Variants in CHD8 observed in about 807,000 individuals in gnomAD.
CHD8 encodes the protein chromodomain helicase DNA binding protein 8.
Under a neutral mutation model 279.2 loss-of-function variants are expected in CHD8, and 31 were observed. That is an observed-to-expected ratio of 0.11 (90% CI 0.08 to 0.15). The LOEUF is 0.15. Ranked by LOEUF, CHD8 falls within the 10% of genes least tolerant of loss-of-function variation. CHD8 has a pLI of 1.00. For synonymous variants in CHD8, 1,081 were observed against 1,139.6 expected (o/e 0.95, Z 1.04); for missense variants, 2,146 against 3,230.5 (o/e 0.66, Z 8.14).
chr14:21,421,043 G>A (rs1242475019), intron 5 of CHD8, among the ~76,000 whole-genome samples: 1 of 152,168 alleles, frequency 6.6e-6, no homozygotes, highest in Non-Finnish European at 1.5e-5. Context: ...TTACCGGCAT[G>A]AGCCACCGCA....
At chr14:21,392,883 T>G in intron 33 of CHD8, 74 bp from the exon 34 acceptor site, 1 of 1,438,236 alleles carries the variant, frequency 7.0e-7, no homozygotes, top group East Asian at 2.3e-5. Flanking sequence ...TACTCAATAG[T>G]GCCATCACTA....
Position 21,403,927 on chromosome 14 carries a change from C to T in CHD8, c.3308-264G>A, listed in dbSNP as rs1467523814. Among the ~76,000 whole-genome samples, 2 of 151,744 alleles carry T rather than the reference C, an allele frequency of 1.3e-5. No individual in the cohort carries two copies. The highest frequency in any genetic ancestry group is 4.8e-5 in the African/African-American group (2 of 41,246). ...CAGTCTGGCCAACATGGTGAAACCC[C>T]GTCTCTACTAACAATACAAAAATTA... On this transcript the variant is annotated intron_variant, in intron 16 of 37. Coordinates refer to ENST00000646647, the MANE Select transcript of CHD8 (RefSeq NM_001170629.2). The surrounding 1 kb of genome is among the most constrained non-coding windows in gnomAD (Gnocchi z 4.3).
At chr14:21,413,815 C>G (rs1888608406) in intron 9 of CHD8, 1 of 154,654 alleles carries the variant, frequency 6.5e-6, no homozygotes, top group South Asian at 2.0e-4. Flanking sequence ...CTACTCTTAT[C>G]AAGGATGAAC....
chr14:21,391,091 G>A lies in CHD8; in HGVS notation c.7066-28C>T, dbSNP rs768169390. On this transcript the variant is annotated intron_variant, in intron 36 of 37. Transcript: ENST00000646647. ...GCAATAGAAAAAATCAGTTATCCTAGAGGAATAGAAATCTTCTCTGGAGTA... is the reference window on the plus strand; with the variant it reads ...GCAATAGAAAAAATCAGTTATCCTAAAGGAATAGAAATCTTCTCTGGAGTA... 4.4e-6 allele frequency: 6 copies of A among 1,364,326 alleles called. No individual in the cohort carries two copies. The African/African-American group carries it at 8.6e-5, about 20-fold the overall frequency. 84.5% of individuals were successfully genotyped at this position (1,364,326 alleles called of 1,614,324 possible).
chr14:21,392,235 T>C (rs767928606), intron 34 of CHD8: 2 of 754,928 alleles, frequency 2.6e-6, no homozygotes, highest in South Asian at 1.4e-5. Flanking sequence ...CGTATTAGCA[T>C]GGCAACTCAT....
At chr14:21,442,400 G>A (rs1035270807) in intron 1 of CHD8, among the ~76,000 whole-genome samples, 5 of 152,052 alleles carry the variant, frequency 3.3e-5, no homozygotes, top group Non-Finnish European at 5.9e-5. Context: ...GGGAAGTTGA[G>A]GTTGCAGTGA....
At chr14:21,436,949 C>T (rs1889806492) in intron 1 of CHD8, 1 of 1,287,030 alleles carries the variant, frequency 7.8e-7, no homozygotes, top group African/African-American at 1.5e-5. Flanking sequence ...ACAGCAGAGG[C>T]GGAAGATTTC....
chr14:21,394,114 C>T lies in CHD8; in HGVS notation c.5681G>A (p.Arg1894Gln), dbSNP rs766765758. The T allele has an allele frequency of 7.4e-6, 12 of 1,613,428 alleles. No individual in the cohort carries two copies. Among genetic ancestry groups the T allele is most frequent in the African/African-American group, 2.7e-5 (2 of 74,892 alleles). The change falls in exon 32 of 38, where the codon CGG becomes CAG. Residue 1894 changes from arginine to glutamine, a missense_variant. By Grantham distance (43) the Arg-to-Gln change is conservative (BLOSUM62 1). Transcript: ENST00000646647. ...GCATAAAACTTGTTCCCGTAAGCGC[C>T]GAAGCAATTCTATACGGTAGAGAGT... ...SRTLYRIELLRRLREQVLCHP... is the reference protein window; with the variant it reads ...SRTLYRIELLQRLREQVLCHP...
chr14:21,413,254 C>T lies in CHD8; in HGVS notation c.2143-258G>A, dbSNP rs555958979. Among the ~76,000 whole-genome samples the T allele has an allele frequency of 9.2e-5, 14 of 152,292 alleles. No homozygotes were observed. In the East Asian group the frequency reaches 2.7e-3, roughly 29 times the overall value. ...TCCATATATGCTCTGCTGTTCATTG[C>T]TTCTTGTATTCTTAGGAATCCCTCT... On this transcript the variant is annotated intron_variant, in intron 9 of 37. Coordinates refer to ENST00000646647, the MANE Select transcript of CHD8 (RefSeq NM_001170629.2).
Position 21,409,838 on chromosome 14 carries a change from C to T in CHD8, c.2364+13G>A. The T allele has an allele frequency of 1.2e-6, 2 of 1,610,398 alleles. No individual in the cohort carries two copies. The highest frequency in any genetic ancestry group is 1.7e-6 in the Non-Finnish European group (2 of 1,178,154). On this transcript the variant is annotated intron_variant, in intron 11 of 37. Transcript: ENST00000646647. ...TTATGTAGGCCTTTATACTTTAATG[C>T]AAATGTACTTACCACCCTTTTGAGT...
intron 1 of CHD8, among the ~76,000 whole-genome samples, chr14:21,445,688 CAAAAAAA>C (rs747923350): frequency 5.5e-3 from 95 of 17,260 alleles, no homozygotes; most frequent in African/African-American, 6.6e-3. Flanking sequence ...GATTCGGTCT[CAAAAAAA>C]AAAAAAAAAA....
intron 3 of CHD8, among the ~76,000 whole-genome samples, 157 bp from the exon 4 acceptor site, chr14:21,428,411 T>C (rs1889419927): frequency 6.6e-6 from 1 of 152,244 alleles, no homozygotes; most frequent in South Asian, 2.1e-4. Flanking sequence ...CTTTTTAAAA[T>C]GTATTCTTTT....
chr14:21,434,130 C>G (rs555009606), intron 1 of CHD8, among the ~76,000 whole-genome samples: 6 of 150,668 alleles, frequency 4.0e-5, no homozygotes, highest in Non-Finnish European at 8.8e-5. Context: ...ACCGCAACCT[C>G]TACCTCCTGG....
At chr14:21,410,854 C>G (rs1407644450) in intron 10 of CHD8, among the ~76,000 whole-genome samples, 2 of 152,188 alleles carry the variant, frequency 1.3e-5, no homozygotes, top group African/African-American at 4.8e-5. Context: ...CAGCTGCTTG[C>G]TCTTTTACCT....
intron 37 of CHD8, 113 bp downstream of exon 37, chr14:21,390,834 C>T (rs1594325716): frequency 1.6e-6 from 1 of 633,536 alleles, no homozygotes; most frequent in South Asian, 2.0e-5. Flanking sequence ...TAATTCTTCA[C>T]ACAAACAAAC....
At position 21,405,618 on chromosome 14, in the gene CHD8, A is replaced by G. The variant is rs1320232458; in HGVS notation, c.3051+103T>C. On this transcript the variant is annotated intron_variant, in intron 15 of 37. Transcript: ENST00000646647. This position sits in a 1 kb window ranked among gnomAD's most constrained non-coding sequence, Gnocchi z 4.2. ...ATGATGTAGGCACAAGGTTATAAGG[A>G]GTTCAGAAAGGCCCTTGAGATACCC... is the stretch of plus-strand genomic sequence containing the variant. 1.4e-6 allele frequency: 2 copies of G among 1,466,126 alleles called. No homozygotes were observed. Among genetic ancestry groups the G allele is most frequent in the East Asian group, 2.3e-5 (1 of 44,190 alleles). 90.8% of individuals were successfully genotyped at this position (1,466,126 alleles called of 1,614,324 possible).
intron 26 of CHD8, chr14:21,398,528 A>G (rs1284998033): frequency 6.6e-6 from 1 of 152,376 alleles, no homozygotes; most frequent in Non-Finnish European, 1.5e-5. Flanking sequence ...CACCATGCCC[A>G]GCACCTGCAA....
Position 21,430,854 on chromosome 14 carries a change from C to A in CHD8, c.790G>T (p.Ala264Ser), listed in dbSNP as rs781366150. The change falls in exon 2 of 38, where the codon GCC (alanine) becomes TCC (serine). Residue 264 changes from alanine (A) to serine (S), a missense_variant. Around this residue, in one of 26 missense-constraint regions of CHD8, gnomAD observed 302 missense variants for 325.5 expected, o/e 0.93. Transcript: ENST00000646647. ...KGSAPAGNPG[A>S]TGPPLKPAVT... ...GCAGGCTTCAGTGGGGGCCCTGTGGCCCCAGGGTTTCCAGCAGGAGCTGAA... is the reference window on the plus strand; with the variant it reads ...GCAGGCTTCAGTGGGGGCCCTGTGGACCCAGGGTTTCCAGCAGGAGCTGAA... 5.6e-6 allele frequency: 9 copies of A among 1,599,274 alleles called. No homozygotes were observed. The East Asian group carries it at 2.0e-4, about 36-fold the overall frequency.
intron 2 of CHD8, chr14:21,430,498 C>T: frequency 3.6e-6 from 1 of 281,142 alleles, no homozygotes; most frequent in Non-Finnish European, 6.8e-6. Context: ...TTATTGTGAA[C>T]TCTTGCTTAA....
Sources: allele counts gnomAD v4.1 joint callset (sites outside exome capture counted in the v4.1 genomes callset), GRCh38; gene constraint gnomAD v4.1.1; regional missense constraint gnomAD v4.1.1; non-coding constraint Gnocchi (gnomAD v3.1); transcripts MANE v1.5; gene names NCBI Gene and HGNC (gene_info 2026-07-23, HGNC 2026-07-21).